Variants in TRPC5 observed in about 807,000 individuals in gnomAD.
TRPC5 encodes short transient receptor potential channel 5.
TRPC5 carries 9 observed loss-of-function variants against 56.5 expected under a neutral mutation model. That is an observed-to-expected ratio of 0.16 (90% confidence interval 0.10 to 0.28). TRPC5 has a LOEUF of 0.28. Among genes scored for constraint, TRPC5 ranks in the 10% least tolerant of loss-of-function variants. The pLI, the probability that TRPC5 is intolerant of heterozygous loss-of-function variation, is 1.00. For synonymous variants in TRPC5, 282 were observed against 278.5 expected, an observed-to-expected ratio of 1.01 and a Z score of -0.13; for missense variants, 469 against 748.9, an observed-to-expected ratio of 0.63 and a Z score of 4.36.
intron 5 of TRPC5, among the ~76,000 whole-genome samples, chrX:111,848,665 C>T (rs1346197018): frequency 2.7e-5 from 3 of 112,282 alleles, no homozygotes; most frequent in East Asian, 2.8e-4. Context: ...GAAACTGGTG[C>T]GTTTAAAATC....
chrX:111,939,095 G>A (rs181006206), intron 2 of TRPC5, among the ~76,000 whole-genome samples: 2 of 111,794 alleles, frequency 1.8e-5, no homozygotes, highest in African/African-American at 6.5e-5. Context: ...GAGTTTTAGG[G>A]ATTTTATCAT....
At chrX:111,907,248 G>C (rs1308817536) in intron 3 of TRPC5, among the ~76,000 whole-genome samples, 1 of 110,746 alleles carries the variant, frequency 9.0e-6, no homozygotes, top group Non-Finnish European at 1.9e-5. Context: ...TTCTTGATGA[G>C]TTAGCACACA....
chrX:111,950,855 T>C (rs1481633454), intron 2 of TRPC5, among the ~76,000 whole-genome samples: 2 of 111,966 alleles, frequency 1.8e-5, no homozygotes, highest in African/African-American at 6.5e-5. Context: ...CCTCAAACTT[T>C]GTGTATGGTT....
At chrX:111,962,059 A>C (rs1268107539) in intron 1 of TRPC5, among the ~76,000 whole-genome samples, 1 of 100,153 alleles carries the variant, frequency 1.0e-5, no homozygotes, top group East Asian at 2.8e-4. Flanking sequence ...ATAAAGATGG[A>C]AATAATAGAC....
intron 6 of TRPC5, among the ~76,000 whole-genome samples, chrX:111,839,537 G>A (rs1922665613): frequency 9.0e-6 from 1 of 111,459 alleles, no homozygotes; most frequent in Admixed American, 9.6e-5. Flanking sequence ...GCCAAGCATT[G>A]TGCTAAGTGC....
chrX:112,072,703 C>T (rs770477908), intron 1 of TRPC5, among the ~76,000 whole-genome samples: 2 of 112,040 alleles, frequency 1.8e-5, no homozygotes, highest in Non-Finnish European at 3.8e-5. Context: ...AACTTTAAAG[C>T]TAAGATGAGA....
chrX:111,903,964 T>C (rs909989859), intron 3 of TRPC5: 1 of 112,411 alleles, frequency 8.9e-6, no homozygotes, highest in African/African-American at 3.2e-5. Flanking sequence ...TTTTAACTAA[T>C]AAACTTTCAT....
chrX:112,050,625 G>A lies in TRPC5; in HGVS notation c.-22+31254C>T, dbSNP rs764865465. ...ATAGATGTGAAAACTGAGGCTCAGA[G>A]TGCAAAAGTCACTTACTTGCTTGAC... is the stretch of plus-strand genomic sequence containing the variant. On this transcript the variant is annotated intron_variant, in intron 1 of 10. Transcript: ENST00000262839. Among the ~76,000 whole-genome samples the A allele has an allele frequency of 6.2e-5, 7 of 112,341 alleles. No individual in the cohort carries two copies. The South Asian group carries it at 2.6e-3, about 42-fold the overall frequency.
At position 111,952,234 on chromosome X, in the gene TRPC5, T is replaced by C. The variant is rs2148638642; in HGVS notation, c.187A>G (p.Ile63Val). 2 of 1,211,999 alleles carry C rather than the reference T, an allele frequency of 1.7e-6. No individual in the cohort carries two copies. The highest frequency in any genetic ancestry group is 2.2e-6 in the Non-Finnish European group (2 of 895,604). Residue 63 changes from isoleucine (I) to valine (V), a missense_variant, in exon 2 of 11, where the codon ATC (isoleucine) becomes GTC (valine). Around this residue, in one of 3 missense-constraint regions of TRPC5, gnomAD observed 118 missense variants for 167.1 expected, o/e 0.71. Coordinates refer to ENST00000262839, the MANE Select transcript of TRPC5 (RefSeq NM_012471.3). ...CGGCCCAAGGGGTCCATGCAGTTGA[T>C]GTTAACATTATAGTAGATCTCAGCC... ...QEAEIYYNVN[I>V]NCMDPLGRSA...
Position 111,910,110 on chromosome X carries a change from T to G in TRPC5, c.900+2181A>C, listed in dbSNP as rs185075107. 2.0e-3 allele frequency among the ~76,000 whole-genome samples: 226 copies of G among 112,447 alleles called. 1 individual carries two copies. Among genetic ancestry groups the G allele is most frequent in the African/African-American group, 7.0e-3 (216 of 31,025 alleles). On this transcript the variant is annotated intron_variant, in intron 3 of 10. Transcript: ENST00000262839. ...GAACGGGGGGCCTAAAATTGTAAAG[T>G]TGATCTCATATTCAGTGGGGTGAGG... is the stretch of plus-strand genomic sequence containing the variant.
chrX:111,771,825 T>C lies in TRPC5; in HGVS notation c.*4488A>G, dbSNP rs774221213. Among the ~76,000 whole-genome samples, 1 of 109,893 alleles carries C rather than the reference T, an allele frequency of 9.1e-6. No homozygotes were observed. The highest frequency in any genetic ancestry group is 1.9e-5 in the Non-Finnish European group (1 of 52,723). On this transcript the variant is annotated 3_prime_UTR_variant, in exon 11 of 11. Transcript: ENST00000262839. Reference sequence around the variant, plus strand: ...AACCTCAAATCTTGATAGCTCTCAATATAAAAGTGCTACAGAAGATGCTGT... The same window carrying C: ...AACCTCAAATCTTGATAGCTCTCAACATAAAAGTGCTACAGAAGATGCTGT...
In TRPC5 at chrX:111,856,537, CAAATA is replaced by C. The variant is rs1290655399; in HGVS notation, c.901-2436_901-2432del. Among the ~76,000 whole-genome samples, 8 of 78,780 alleles carry C rather than the reference CAAATA, an allele frequency of 1.0e-4. No individual in the cohort carries two copies. The East Asian group carries it at 2.2e-3, about 22-fold the overall frequency. The allele number at this position is 78,780 out of a possible 115,157, so 68.4% of individuals were successfully genotyped here. ...CTGGGTAACAGAGTGAGCCCTGTCT[CAAATA>C]ATAATAATAATAATAATAATAATAA... On this transcript the variant is annotated intron_variant, in intron 3 of 10. Transcript: ENST00000262839.
At chrX:111,999,857 T>C (rs912938477) in intron 1 of TRPC5, among the ~76,000 whole-genome samples, 4 of 111,183 alleles carry the variant, frequency 3.6e-5, no homozygotes, top group Non-Finnish European at 7.5e-5. Context: ...TCCCAGCTAC[T>C]CAGGCGGCTG....
chrX:111,815,145 A>G (rs1443453920), intron 7 of TRPC5, among the ~76,000 whole-genome samples: 2 of 111,883 alleles, frequency 1.8e-5, no homozygotes, highest in East Asian at 2.8e-4. Context: ...AGGCTACCAT[A>G]TGAAAACTCA....
At chrX:111,807,128 T>C (rs1189887678) in intron 7 of TRPC5, among the ~76,000 whole-genome samples, 1 of 111,522 alleles carries the variant, frequency 9.0e-6, no homozygotes, top group Non-Finnish European at 1.9e-5. Context: ...GTTTGGGAAG[T>C]TATCTGTTAT....
At chrX:111,911,174 C>T (rs1428682898) in intron 3 of TRPC5, among the ~76,000 whole-genome samples, 1 of 32,348 alleles carries the variant, frequency 3.1e-5, no homozygotes, top group East Asian at 1.1e-3. Flanking sequence ...CACACAATGA[C>T]GTTTGCCTCA....
chrX:111,894,651 A>T (rs895515100), intron 3 of TRPC5, among the ~76,000 whole-genome samples: 2 of 111,859 alleles, frequency 1.8e-5, no homozygotes, highest in East Asian at 5.6e-4. Context: ...GGCTTGCTGA[A>T]TCCTGGTAAG....
chrX:112,032,938 A>G (rs750128605), intron 1 of TRPC5, among the ~76,000 whole-genome samples: 6 of 110,763 alleles, frequency 5.4e-5, no homozygotes, highest in African/African-American at 2.0e-4. Context: ...ATGCATAGTC[A>G]AGTTTTTTGC....
intron 7 of TRPC5, among the ~76,000 whole-genome samples, chrX:111,826,185 A>G (rs780988468): frequency 8.9e-5 from 10 of 112,126 alleles, no homozygotes; most frequent in African/African-American, 2.9e-4. Flanking sequence ...CACTGCTACT[A>G]TTCTTGTGAT....
Sources: gnomAD v4.1 joint callset for allele counts (sites outside exome capture counted in the v4.1 genomes callset) on GRCh38, gnomAD v4.1.1 for gene constraint, gnomAD v4.1.1 regional missense constraint, MANE v1.5 for transcripts, NCBI Gene and HGNC (gene_info 2026-07-23, HGNC 2026-07-21) for gene names.